Variants in BEND7 observed in about 807,000 individuals in gnomAD.
The protein encoded by BEND7 is BEN domain containing 7.
In BEND7, 28 loss-of-function variants were observed where a neutral mutation model predicts 50.9. The ratio of observed to expected loss-of-function variants is 0.55; its 90% CI spans 0.41 to 0.75. The LOEUF is 0.75. Ranked by LOEUF, BEND7 falls within the 30% of genes least tolerant of loss-of-function variation. BEND7 has a pLI of 0.00. For synonymous variants in BEND7, 170 were observed against 183.9 expected (o/e 0.92, Z 0.61); for missense variants, 477 against 491.3 (o/e 0.97, Z 0.28).
At chr10:13,493,188 A>G (rs534576739) in intron 4 of BEND7, among the ~76,000 whole-genome samples, 34 of 152,362 alleles carry the variant, frequency 2.2e-4, no homozygotes, top group African/African-American at 8.2e-4. Context: ...ATGGCTTTAT[A>G]AATCATAGGA....
intron 5 of BEND7, among the ~76,000 whole-genome samples, chr10:13,485,140 C>A (rs986772910): frequency 6.6e-6 from 1 of 152,108 alleles, no homozygotes; most frequent in African/African-American, 2.4e-5. Flanking sequence ...GAGCACATCA[C>A]GTGACTCCCC....
At chr10:13,500,531 G>A (rs747728606) in intron 2 of BEND7, 11 of 990,756 alleles carry the variant, frequency 1.1e-5, no homozygotes, top group Non-Finnish European at 1.2e-5. Flanking sequence ...TTCACCAGGC[G>A]GGGCAAGGAC....
chr10:13,490,351 T>G (rs755048259), intron 5 of BEND7, among the ~76,000 whole-genome samples: 1 of 152,228 alleles, frequency 6.6e-6, no homozygotes, highest in South Asian at 2.1e-4. Flanking sequence ...TTCCTTCCCA[T>G]CCAGAGCTGA....
intron 5 of BEND7, among the ~76,000 whole-genome samples, chr10:13,483,725 A>G (rs1381423011): frequency 6.6e-6 from 1 of 152,178 alleles, no homozygotes; most frequent in African/African-American, 2.4e-5. Flanking sequence ...GGCAAGACAT[A>G]TGCACAAATA....
In BEND7 at chr10:13,481,485, T is replaced by TA. The variant is rs924781060; in HGVS notation, c.838-362dup. The stretch of plus-strand genomic sequence containing the variant: ...AAGGAACTAAGGCCCAAAGAGATCA[T>TA]AAAAAAAAAGATTGAGAAATAATTC... On this transcript the variant is annotated intron_variant, in intron 5 of 8. Transcript: ENST00000466271. Among the ~76,000 whole-genome samples, 28 of 151,392 alleles carry TA rather than the reference T, an allele frequency of 1.8e-4. No homozygotes were observed. The South Asian group carries it at 4.6e-3, about 25-fold the overall frequency.
rs574112407 is a variant in BEND7, at chr10:13,446,714, G to A, written c.1234+552C>T. Reference sequence around the variant, plus strand: ...TATGTCTATGGCTTAACACAACAGCGTGCAGCAAATGCTTCCATGGAAGGG... The same window carrying A: ...TATGTCTATGGCTTAACACAACAGCATGCAGCAAATGCTTCCATGGAAGGG... On this transcript the variant is annotated intron_variant, in intron 8 of 8. Transcript: ENST00000466271. 2.6e-4 allele frequency: 42 copies of A among 161,734 alleles called. No individual in the cohort carries two copies. The South Asian group carries it at 3.0e-3, about 11-fold the overall frequency. 10.0% of individuals were successfully genotyped at this position (161,734 alleles called of 1,614,324 possible).
intron 2 of BEND7, among the ~76,000 whole-genome samples, chr10:13,517,353 T>C (rs1275076396): frequency 6.6e-6 from 1 of 152,152 alleles, no homozygotes; most frequent in Non-Finnish European, 1.5e-5. Context: ...TGGTCTGGTA[T>C]GGCTGCTGCA....
chr10:13,488,928 TC>T (rs2076451418), intron 5 of BEND7, among the ~76,000 whole-genome samples: 1 of 152,222 alleles, frequency 6.6e-6, no homozygotes, highest in South Asian at 2.1e-4. Context: ...CTATTCCCTT[TC>T]TAAAAACACT....
intron 6 of BEND7, among the ~76,000 whole-genome samples, chr10:13,468,123 G>A (rs1292612844): frequency 1.3e-5 from 2 of 152,158 alleles, no homozygotes; most frequent in Non-Finnish European, 2.9e-5. Context: ...CCCAGTGTGC[G>A]CAGTAAATGA....
Position 13,472,616 on chromosome 10 carries a change from G to A in BEND7, c.1063+8283C>T, listed in dbSNP as rs1205511626. On this transcript the variant is annotated intron_variant, in intron 6 of 8. Transcript: ENST00000466271. The stretch of plus-strand genomic sequence containing the variant: ...ACCCGTCATCACTGTTAAGACTTGG[G>A]ATTGATACCCGTCATCGCTCTTAGA... Among the ~76,000 whole-genome samples, 5 of 151,988 alleles carry A rather than the reference G, an allele frequency of 3.3e-5. No individual in the cohort carries two copies. The South Asian group carries it at 1.0e-3, about 32-fold the overall frequency.
intron 6 of BEND7, among the ~76,000 whole-genome samples, chr10:13,458,557 G>A (rs1002249831): frequency 6.6e-6 from 1 of 152,230 alleles, no homozygotes; most frequent in Non-Finnish European, 1.5e-5. Context: ...GGCAGTCACA[G>A]CCCAGCTTCA....
Position 13,496,776 on chromosome 10 carries a change from T to G in BEND7, c.561A>C (p.Gln187His). The G allele has an allele frequency of 6.2e-7, 1 of 1,613,496 alleles. No homozygotes were observed. Among genetic ancestry groups the G allele is most frequent in the Non-Finnish European group, 8.5e-7 (1 of 1,179,812 alleles). Residue 187 changes from glutamine (Q) to histidine (H), a missense_variant, in exon 4 of 9, where the codon CAA (glutamine) becomes CAC (histidine). Physicochemically the swap from Gln to His is conservative, Grantham distance 24 (BLOSUM62 0). This residue lies in a region of BEND7 where 396 missense variants were observed against 384.2 expected (regional missense o/e 1.03). Coordinates refer to ENST00000466271, the MANE Select transcript of BEND7 (RefSeq NM_001369863.1). ...QELKTMRKLMQIQAVGTQNRQ... is the reference protein window; with the variant it reads ...QELKTMRKLMHIQAVGTQNRQ... ...GCCTGATCCTTGTACCTGCTTGAAT[T>G]TGCATTAATTTCCTCATGGTCTTGA...
chr10:13,454,476 C>T (rs1381623113), intron 6 of BEND7, among the ~76,000 whole-genome samples: 2 of 151,870 alleles, frequency 1.3e-5, no homozygotes, highest in Admixed American at 6.6e-5. Context: ...ATCAGTAATC[C>T]GGGAGTGGTG....
At chr10:13,443,456 T>G (rs1835652437) in intron 8 of BEND7, 1 of 152,578 alleles carries the variant, frequency 6.6e-6, no homozygotes, top group Admixed American at 6.5e-5. Context: ...TAAGGAAGAG[T>G]TGTACATGGT....
At chr10:13,526,322 T>C (rs996805255) in intron 1 of BEND7, 101 bp from the exon 2 acceptor site, 7 of 335,560 alleles carry the variant, frequency 2.1e-5, no homozygotes, top group Non-Finnish European at 3.5e-5. Context: ...GTATACTCTA[T>C]AATTTATAAA....
chr10:13,513,120 T>G (rs1169290574), intron 2 of BEND7, among the ~76,000 whole-genome samples: 1 of 152,240 alleles, frequency 6.6e-6, no homozygotes, highest in African/African-American at 2.4e-5. Flanking sequence ...TCTACTCTAT[T>G]TCTTTCTTCT....
chr10:13,528,412 C>T (rs1258130764), intron 1 of BEND7, 61 bp downstream of exon 1: 7 of 859,470 alleles, frequency 8.1e-6, no homozygotes, highest in African/African-American at 1.8e-5. Flanking sequence ...GCGTGGACCC[C>T]CGCGGGCGGC....
intron 2 of BEND7, among the ~76,000 whole-genome samples, chr10:13,514,781 AT>A (rs372491586): frequency 2.4e-3 from 366 of 152,322 alleles, no homozygotes; most frequent in Middle Eastern, 6.8e-3. Context: ...AATTGAAAAA[AT>A]TATCTATGTG....
chr10:13,469,455 C>T (rs1483790887), intron 6 of BEND7, among the ~76,000 whole-genome samples: 6 of 152,108 alleles, frequency 3.9e-5, no homozygotes, highest in South Asian at 2.1e-4. Flanking sequence ...TACAGCTTTC[C>T]GTTAATTTTA....
Sources: allele counts gnomAD v4.1 joint callset (sites outside exome capture counted in the v4.1 genomes callset), GRCh38; gene constraint gnomAD v4.1.1; regional missense constraint gnomAD v4.1.1; transcripts MANE v1.5; gene names NCBI Gene and HGNC (gene_info 2026-07-23, HGNC 2026-07-21).